The following RBFOX1 variants were observed in gnomAD, a reference collection of about 807,000 sequenced individuals.
RBFOX1 encodes the protein RNA binding protein fox-1 homolog 1.
RBFOX1 carries 8 observed loss-of-function variants against 57.7 expected under a neutral mutation model. The ratio of observed to expected loss-of-function variants is 0.14; its 90% CI spans 0.08 to 0.25. The LOEUF is 0.25. Ranked by LOEUF, RBFOX1 falls within the 10% of genes least tolerant of loss-of-function variation. The pLI, the probability that RBFOX1 is intolerant of heterozygous loss-of-function variation, is 1.00. For missense variants in RBFOX1, 611 were observed against 548.5 expected (o/e 1.11, Z -1.14); for synonymous variants, 326 against 222.4 (o/e 1.47, Z -4.15).
intron 3 of RBFOX1, among the ~76,000 whole-genome samples, chr16:6,861,255 A>T (rs570907694): frequency 9.2e-5 from 14 of 152,194 alleles, no homozygotes; most frequent in African/African-American, 3.4e-4. Flanking sequence ...TGAGCACCAC[A>T]CTCTAACCAT....
intron 12 of RBFOX1, among the ~76,000 whole-genome samples, chr16:7,661,986 G>C (rs17760312): frequency 0.089 from 13,504 of 151,742 alleles, 710 homozygotes; most frequent in Middle Eastern, 0.16. Flanking sequence ...GGCTTGACAT[G>C]GAGGCACAAA....
intron 4 of RBFOX1, among the ~76,000 whole-genome samples, chr16:7,353,833 G>C (rs1418519730): frequency 2.0e-5 from 3 of 152,112 alleles, no homozygotes; most frequent in Non-Finnish European, 4.4e-5. Flanking sequence ...TCCTTTTATG[G>C]ATATGGATTT....
chr16:7,642,831 C>G (rs2063069589), intron 11 of RBFOX1, among the ~76,000 whole-genome samples: 1 of 152,136 alleles, frequency 6.6e-6, no homozygotes, highest in East Asian at 1.9e-4. Flanking sequence ...CTTCAAAGGA[C>G]AGAAAGCACC....
chr16:7,574,969 T>C (rs2093183565), intron 5 of RBFOX1, among the ~76,000 whole-genome samples: 1 of 151,684 alleles, frequency 6.6e-6, no homozygotes, highest in Non-Finnish European at 1.5e-5. Flanking sequence ...CTTTGCTTTA[T>C]ATGTTTGGTG....
At chr16:7,520,661 C>T (rs1056203939) in intron 5 of RBFOX1, among the ~76,000 whole-genome samples, 12 of 152,150 alleles carry the variant, frequency 7.9e-5, no homozygotes, top group Non-Finnish European at 7.3e-5. Context: ...AGTTGCTGTG[C>T]CTTAGGCATG....
chr16:7,166,972 C>CTTTTTTTTTTTT lies in RBFOX1; in HGVS notation c.27+114898_27+114909dup. Among the ~76,000 whole-genome samples the CTTTTTTTTTTTT allele has an allele frequency of 1.0e-3, 49 of 49,102 alleles. 2 individuals are homozygous for CTTTTTTTTTTTT. The highest frequency in any genetic ancestry group is 1.1e-3 in the Non-Finnish European group (34 of 29,604). The allele number at this position is 49,102 out of a possible 152,430, so 32.2% of individuals were successfully genotyped here. A position where few individuals can be genotyped will look rare whatever the true frequency, so the allele number is the denominator to read the frequency against. Reference sequence around the variant, plus strand: ...AGCCCCAGATTGCTGCATTGGTGTTCTTTTTTTTTTTTTTTTTTTTTTTTT... The same window carrying CTTTTTTTTTTTT: ...AGCCCCAGATTGCTGCATTGGTGTTCTTTTTTTTTTTTTTTTTTTTTTTTTTTTTTTTTTTTT... On this transcript the variant is annotated intron_variant, in intron 4 of 15. Transcript: ENST00000550418.
intron 3 of RBFOX1, among the ~76,000 whole-genome samples, chr16:6,742,196 C>G (rs902811288): frequency 6.6e-6 from 1 of 151,778 alleles, no homozygotes; most frequent in African/African-American, 2.4e-5. Flanking sequence ...AATATTTTAC[C>G]AAAGAGGATA....
chr16:6,396,063 C>T (rs2092818125), intron 2 of RBFOX1, among the ~76,000 whole-genome samples: 1 of 55,914 alleles, frequency 1.8e-5, no homozygotes, highest in East Asian at 4.4e-4. Context: ...AAGACTCCTT[C>T]TCAAAAAAAA....
intron 1 of RBFOX1, among the ~76,000 whole-genome samples, chr16:5,255,171 C>T (rs569141450): frequency 7.8e-4 from 119 of 152,222 alleles, no homozygotes; most frequent in Non-Finnish European, 1.0e-3. Context: ...TGACCATTAC[C>T]CATAATCATG....
intron 14 of RBFOX1, among the ~76,000 whole-genome samples, chr16:7,678,080 C>G (rs1255373749): frequency 6.6e-6 from 1 of 152,204 alleles, no homozygotes; most frequent in Non-Finnish European, 1.5e-5. Flanking sequence ...ACAAATGGCT[C>G]TTTGGCAAGA....
chr16:7,698,557 A>T (rs2079569254), intron 14 of RBFOX1, among the ~76,000 whole-genome samples: 1 of 152,080 alleles, frequency 6.6e-6, no homozygotes, highest in Non-Finnish European at 1.5e-5. Flanking sequence ...CTACATTAAA[A>T]CTTTAGGTAA....
intron 2 of RBFOX1, among the ~76,000 whole-genome samples, chr16:6,405,453 AC>A (rs2093244077): frequency 6.6e-6 from 1 of 152,152 alleles, no homozygotes; most frequent in African/African-American, 2.4e-5. Context: ...TCACCATCCC[AC>A]CACCGTATCA....
At chr16:7,223,371 T>G (rs1000446167) in intron 4 of RBFOX1, among the ~76,000 whole-genome samples, 1 of 152,236 alleles carries the variant, frequency 6.6e-6, no homozygotes, top group Non-Finnish European at 1.5e-5. Context: ...CTTCAGAGTT[T>G]GGTAAGTCTC....
intron 3 of RBFOX1, among the ~76,000 whole-genome samples, chr16:6,995,935 C>A (rs1028152646): frequency 1.3e-5 from 2 of 152,102 alleles, no homozygotes; most frequent in Non-Finnish European, 2.9e-5. Flanking sequence ...AAAAAACAAC[C>A]CAGTTCCTTT....
chr16:5,536,951 C>T (rs1215705923), intron 2 of RBFOX1, among the ~76,000 whole-genome samples: 1 of 152,126 alleles, frequency 6.6e-6, no homozygotes, highest in Non-Finnish European at 1.5e-5. Flanking sequence ...TTTTTCTTTG[C>T]ACATAACTGC....
intron 4 of RBFOX1, among the ~76,000 whole-genome samples, chr16:7,137,643 A>G (rs1451279165): frequency 5.9e-5 from 9 of 152,230 alleles, no homozygotes. Flanking sequence ...TACAAAAGGA[A>G]ACTTAGAAGG....
In RBFOX1 at chr16:5,748,396, T is replaced by C. The variant is rs962813568; in HGVS notation, c.319-118907T>C. Reference sequence around the variant, plus strand: ...TCTGTAGATGTCTATTAGGTCTGCTTGGTGCAGAGCTGAGTTCAATTCCTG... The same window carrying C: ...TCTGTAGATGTCTATTAGGTCTGCTCGGTGCAGAGCTGAGTTCAATTCCTG... On this transcript the variant is annotated intron_variant, in intron 3 of 19. Coordinates refer to the RBFOX1 transcript ENST00000641259. Among the ~76,000 whole-genome samples the C allele has an allele frequency of 8.5e-5, 13 of 152,210 alleles. 1 individual carries two copies. Among genetic ancestry groups the C allele is most frequent in the Admixed American group, 7.9e-4 (12 of 15,276 alleles).
chr16:6,671,306 A>G (rs1015567234), intron 3 of RBFOX1, among the ~76,000 whole-genome samples: 10 of 152,192 alleles, frequency 6.6e-5, no homozygotes, highest in African/African-American at 2.2e-4. Context: ...AAAATGATGA[A>G]TACACTTGTG....
intron 3 of RBFOX1, among the ~76,000 whole-genome samples, chr16:5,647,914 C>T (rs2049103740): frequency 6.6e-6 from 1 of 152,140 alleles, no homozygotes; most frequent in African/African-American, 2.4e-5. Context: ...GCCTGAAGTG[C>T]AGTGGCATGA....
Sources: allele counts gnomAD v4.1 joint callset (sites outside exome capture counted in the v4.1 genomes callset), GRCh38; gene constraint gnomAD v4.1.1; transcripts MANE v1.5; gene names NCBI Gene and HGNC (gene_info 2026-07-23, HGNC 2026-07-21).